The following RBFOX1 variants were observed in gnomAD, a reference collection of about 807,000 sequenced individuals.
RBFOX1 encodes RNA binding fox-1 homolog 1, also known as RNA binding protein fox-1 homolog 1.
RBFOX1 carries 8 observed loss-of-function variants against 57.7 expected under a neutral mutation model. That is an observed-to-expected ratio of 0.14 (90% CI 0.08 to 0.25). The LOEUF (loss-of-function observed/expected upper bound fraction) is 0.25. RBFOX1 is among the 10% of genes least tolerant of loss of function. RBFOX1 has a pLI of 1.00. For missense variants in RBFOX1, 611 were observed against 548.5 expected (o/e 1.11, Z -1.14); for synonymous variants, 326 against 222.4 (o/e 1.47, Z -4.15).
intron 1 of RBFOX1, among the ~76,000 whole-genome samples, chr16:5,448,355 CA>C (rs139852758): frequency 6.6e-6 from 1 of 151,790 alleles, no homozygotes; most frequent in African/African-American, 2.4e-5. Context: ...GTTCCAGAGG[CA>C]AAAAAACTGG....
intron 12 of RBFOX1, among the ~76,000 whole-genome samples, chr16:7,663,502 A>AGTGT: frequency 7.8e-6 from 1 of 128,586 alleles, no homozygotes; most frequent in South Asian, 3.0e-4. Context: ...GTGTCAGTAC[A>AGTGT]GCGTGTGTGT....
chr16:6,552,549 G>C lies in RBFOX1; in HGVS notation c.-63-102054G>C, dbSNP rs533635692. ...CGAATAAATGTTACCTGTTATCCCA[G>C]TGTTGTGTGCATTGATGGCAATGAT... On this transcript the variant is annotated intron_variant, in intron 2 of 15. Coordinates refer to ENST00000550418, the MANE Select transcript of RBFOX1 (RefSeq NM_018723.4). 2.2e-3 allele frequency among the ~76,000 whole-genome samples: 330 copies of C among 152,282 alleles called. 1 individual carries two copies. Among genetic ancestry groups the C allele is most frequent in the Non-Finnish European group, 3.4e-3 (233 of 68,028 alleles).
intron 1 of RBFOX1, among the ~76,000 whole-genome samples, chr16:6,029,617 C>G (rs933254095): frequency 6.6e-6 from 1 of 150,376 alleles, no homozygotes; most frequent in Non-Finnish European, 1.5e-5. Context: ...ACTAAAAATA[C>G]AAAAAATTAG....
intron 1 of RBFOX1, among the ~76,000 whole-genome samples, chr16:6,212,148 G>C (rs538260055): frequency 1.3e-5 from 2 of 152,186 alleles, no homozygotes; most frequent in African/African-American, 4.8e-5. Context: ...ATGAGCCACT[G>C]TCCTCGGCCA....
intron 3 of RBFOX1, among the ~76,000 whole-genome samples, chr16:6,828,975 G>A (rs886946855): frequency 2.0e-5 from 3 of 150,002 alleles, no homozygotes; most frequent in Admixed American, 6.6e-5. Context: ...TACTTTTCCC[G>A]TTGTTATAAA....
chr16:6,368,665 C>T (rs1196685860), intron 2 of RBFOX1, among the ~76,000 whole-genome samples: 2 of 152,198 alleles, frequency 1.3e-5, no homozygotes, highest in African/African-American at 4.8e-5. Flanking sequence ...TGGGCATTGT[C>T]ATATGTCATA....
At chr16:7,299,698 C>T (rs1289413864) in intron 4 of RBFOX1, among the ~76,000 whole-genome samples, 1 of 152,116 alleles carries the variant, frequency 6.6e-6, no homozygotes, top group African/African-American at 2.4e-5. Context: ...TCAGAGGGAC[C>T]ATCAGGGGTT....
intron 3 of RBFOX1, among the ~76,000 whole-genome samples, chr16:6,707,448 T>C (rs576137157): frequency 1.5e-4 from 23 of 151,662 alleles, no homozygotes; most frequent in African/African-American, 5.3e-4. Flanking sequence ...GGGAAAATGC[T>C]AGTGAATATT....
chr16:6,691,404 G>A (rs1422512029), intron 3 of RBFOX1, among the ~76,000 whole-genome samples: 2 of 152,016 alleles, frequency 1.3e-5, no homozygotes, highest in African/African-American at 4.8e-5. Flanking sequence ...ATCCAAACTT[G>A]TCACTTTCAA....
chr16:5,793,932 C>T (rs1392528053), intron 3 of RBFOX1, among the ~76,000 whole-genome samples: 1 of 152,186 alleles, frequency 6.6e-6, no homozygotes, highest in Admixed American at 6.5e-5. Context: ...GCCATTTAAG[C>T]TCTCTGTGCT....
intron 4 of RBFOX1, among the ~76,000 whole-genome samples, chr16:7,502,181 C>G (rs2071138499): frequency 6.6e-6 from 1 of 152,114 alleles, no homozygotes; most frequent in Admixed American, 6.6e-5. Flanking sequence ...TCGTCTTTGC[C>G]TGTTGCAGTA....
chr16:6,195,405 T>C (rs1218823148), intron 1 of RBFOX1, among the ~76,000 whole-genome samples: 1 of 152,156 alleles, frequency 6.6e-6, no homozygotes, highest in Non-Finnish European at 1.5e-5. Context: ...ATTTATGGCC[T>C]TTAGTAGATG....
At chr16:6,397,520 C>T (rs868170829) in intron 2 of RBFOX1, among the ~76,000 whole-genome samples, 2 of 151,998 alleles carry the variant, frequency 1.3e-5, no homozygotes, top group East Asian at 1.9e-4. Context: ...ACCATTAGTC[C>T]TGTACTATAA....
chr16:6,614,906 G>A (rs576675333), intron 2 of RBFOX1, among the ~76,000 whole-genome samples: 162 of 152,240 alleles, frequency 1.1e-3, no homozygotes, highest in Middle Eastern at 3.4e-3. Flanking sequence ...GGAGGTATCC[G>A]GGGTTAGGAC....
At chr16:6,746,976 G>C (rs2073821207) in intron 3 of RBFOX1, among the ~76,000 whole-genome samples, 1 of 152,032 alleles carries the variant, frequency 6.6e-6, no homozygotes, top group African/African-American at 2.4e-5. Context: ...CTCTCCTGTG[G>C]AGCTATACTA....
intron 11 of RBFOX1, among the ~76,000 whole-genome samples, chr16:7,634,355 C>T (rs1193896859): frequency 6.6e-6 from 1 of 151,102 alleles, no homozygotes; most frequent in Non-Finnish European, 1.5e-5. Context: ...GCGTTTTTTT[C>T]CTCCATGGAT....
At chr16:6,236,284 A>G (rs992053638) in intron 1 of RBFOX1, among the ~76,000 whole-genome samples, 1 of 152,296 alleles carries the variant, frequency 6.6e-6, no homozygotes, top group African/African-American at 2.4e-5. Flanking sequence ...AAACTACTGC[A>G]TCTCACTTTG....
chr16:7,057,557 G>A (rs1040804415), intron 4 of RBFOX1, among the ~76,000 whole-genome samples: 1 of 152,186 alleles, frequency 6.6e-6, no homozygotes, highest in African/African-American at 2.4e-5. Context: ...CAAATTCCTG[G>A]AAAAGGAGCC....
chr16:6,519,240 G>C (rs904794364), intron 2 of RBFOX1, among the ~76,000 whole-genome samples: 3 of 152,178 alleles, frequency 2.0e-5, no homozygotes, highest in Admixed American at 2.0e-4. Context: ...GTTGAGTGAA[G>C]AGTGGGAGTG....
Sources: gnomAD v4.1 joint callset for allele counts (sites outside exome capture counted in the v4.1 genomes callset) on GRCh38, gnomAD v4.1.1 for gene constraint, MANE v1.5 for transcripts, NCBI Gene and HGNC (gene_info 2026-07-23, HGNC 2026-07-21) for gene names.